The following MYLK4 variants were observed in gnomAD, a reference collection of about 807,000 sequenced individuals.
MYLK4 encodes the protein myosin light chain kinase family member 4.
MYLK4 carries 46 observed loss-of-function variants against 48.1 expected under a neutral mutation model. That is an observed-to-expected ratio of 0.96 (90% confidence interval 0.75 to 1.22). MYLK4 has a LOEUF of 1.22. Among genes scored for constraint, MYLK4 ranks in the 50% most tolerant of loss-of-function variants. The pLI is 0.00. For synonymous variants in MYLK4, 170 were observed against 180.8 expected (o/e 0.94, Z 0.48); for missense variants, 451 against 486.1 (o/e 0.93, Z 0.68).
intron 2 of MYLK4, among the ~76,000 whole-genome samples, chr6:2,744,819 A>C (rs1582127936): frequency 6.6e-6 from 1 of 152,230 alleles, no homozygotes; most frequent in East Asian, 1.9e-4. Context: ...GCCAGGTTTT[A>C]AAAAGGAATT....
rs184834390 is a variant in MYLK4 at position 2,719,456 on chromosome 6, G to A, written c.160-26597C>T. On this transcript the variant is annotated intron_variant, in intron 2 of 12. Coordinates refer to ENST00000274643, the MANE Select transcript of MYLK4 (RefSeq NM_001012418.5). ...GCCACCCTTCCACAGGTAAAATTAC[G>A]AGTTTGAAAGCAACTAAATACAGTA... 1.8e-3 allele frequency among the ~76,000 whole-genome samples: 277 copies of A among 152,276 alleles called. 1 individual carries two copies. The highest frequency in any genetic ancestry group is 6.3e-3 in the African/African-American group (261 of 41,542).
chr6:2,763,530 G>A, the MYLK4 span, among the ~76,000 whole-genome samples: 3 of 152,210 alleles, frequency 2.0e-5, no homozygotes, highest in South Asian at 6.2e-4. Flanking sequence ...GCTCCTCACC[G>A]TCCTGGGCCG....
chr6:2,670,885 A>G (rs1382610335), intron 12 of MYLK4, among the ~76,000 whole-genome samples: 2 of 152,032 alleles, frequency 1.3e-5, no homozygotes, highest in African/African-American at 4.8e-5. Flanking sequence ...CAATTTCCCT[A>G]TCTGTACAGA....
At chr6:2,671,401 C>T (rs1760891526) in intron 11 of MYLK4, 53 bp from the exon 12 acceptor site, 2 of 1,527,484 alleles carry the variant, frequency 1.3e-6, no homozygotes, top group Admixed American at 1.7e-5. Context: ...CCTTCAGGTC[C>T]TGACTTATGA....
Position 2,666,797 on chromosome 6 carries a change from A to G in MYLK4, c.*1128T>C, listed in dbSNP as rs6904200. ...ACATATCTGCCATGAAATGGCACAC[A>G]GGCTAGGCATAGGAACCTTCCAACT... On this transcript the variant is annotated 3_prime_UTR_variant, in exon 13 of 13. Coordinates refer to ENST00000274643, the MANE Select transcript of MYLK4 (RefSeq NM_001012418.5). The G allele has an allele frequency of 0.53, 80,949 of 152,088 alleles. 22,031 individuals are homozygous for G. Among genetic ancestry groups the G allele is most frequent in the East Asian group, 0.64 (3,309 of 5,176 alleles). 9.4% of individuals were successfully genotyped at this position (152,088 alleles called of 1,614,324 possible).
At chr6:2,744,158 T>C (rs1763991467) in intron 2 of MYLK4, 1 of 396,940 alleles carries the variant, frequency 2.5e-6, no homozygotes, top group African/African-American at 2.1e-5. Context: ...TGTCACCGAA[T>C]TACAGAGGGT....
intron 2 of MYLK4, among the ~76,000 whole-genome samples, chr6:2,697,681 T>C (rs1285375843): frequency 1.3e-5 from 2 of 152,200 alleles, no homozygotes; most frequent in South Asian, 2.1e-4. Context: ...AAAAAATCAA[T>C]GGTAAAACGG....
chr6:2,733,747 A>G (rs2113333960), intron 2 of MYLK4, among the ~76,000 whole-genome samples: 1 of 152,328 alleles, frequency 6.6e-6, no homozygotes, highest in Middle Eastern at 3.4e-3. Context: ...GTGAGAGGAT[A>G]GCAATCAAGT....
chr6:2,765,790 C>T, the MYLK4 span: 3 of 1,416,702 alleles, frequency 2.1e-6, no homozygotes, highest in African/African-American at 1.5e-5. Flanking sequence ...GGTCGCACCG[C>T]GCCGGGGAGC....
chr6:2,687,646 C>A (rs2113149261), intron 4 of MYLK4, among the ~76,000 whole-genome samples: 1 of 152,290 alleles, frequency 6.6e-6, no homozygotes. Context: ...TCAGCCCATC[C>A]CCGCAGTCTC....
At position 2,743,796 on chromosome 6, in the gene MYLK4, C is replaced by T. The variant is rs548603026; in HGVS notation, c.159+5340G>A. On this transcript the variant is annotated intron_variant, in intron 2 of 12. Coordinates refer to ENST00000274643, the MANE Select transcript of MYLK4 (RefSeq NM_001012418.5). ...AAGACCAGGGCCCTGGGCAAAGATT[C>T]AGCCAGGGCATGCATTCCATTTACT... 5.3e-5 allele frequency: 21 copies of T among 396,476 alleles called. No individual in the cohort carries two copies. The South Asian group carries it at 2.8e-3, about 53-fold the overall frequency. 24.6% of individuals were successfully genotyped at this position (396,476 alleles called of 1,614,324 possible). A position where few individuals can be genotyped will look rare whatever the true frequency, so the allele number is the denominator to read the frequency against.
the MYLK4 span, among the ~76,000 whole-genome samples, chr6:2,763,776 G>A: frequency 1.3e-5 from 2 of 152,224 alleles, no homozygotes; most frequent in African/African-American, 4.8e-5. Context: ...CAAGGCAGAG[G>A]AGGCGCTGAG....
intron 2 of MYLK4, among the ~76,000 whole-genome samples, chr6:2,733,519 G>T (rs112616769): frequency 1.1e-3 from 161 of 152,324 alleles, no homozygotes; most frequent in African/African-American, 3.8e-3. Flanking sequence ...TGCGTCATCA[G>T]CCTCACTCAC....
chr6:2,683,782 A>T (rs1179193952), intron 6 of MYLK4, among the ~76,000 whole-genome samples: 1 of 152,060 alleles, frequency 6.6e-6, no homozygotes, highest in Non-Finnish European at 1.5e-5. Context: ...TGTTCTAAAG[A>T]TGTTGAAGAG....
At chr6:2,684,954 C>T (rs1761469862) in intron 6 of MYLK4, among the ~76,000 whole-genome samples, 1 of 151,984 alleles carries the variant, frequency 6.6e-6, no homozygotes, top group Non-Finnish European at 1.5e-5. Context: ...GTTGACATGA[C>T]CTTTGTATTA....
intron 2 of MYLK4, among the ~76,000 whole-genome samples, chr6:2,714,466 C>T (rs531580061): frequency 6.6e-6 from 1 of 152,354 alleles, no homozygotes; most frequent in Admixed American, 6.5e-5. Context: ...CCCTGCTCTG[C>T]AAAGAGCAGT....
At chr6:2,762,687 A>G in the MYLK4 span, among the ~76,000 whole-genome samples, 1 of 152,230 alleles carries the variant, frequency 6.6e-6, no homozygotes, top group Non-Finnish European at 1.5e-5. Context: ...AACTTGATGA[A>G]TAAACGCATA....
the MYLK4 span, among the ~76,000 whole-genome samples, chr6:2,764,619 T>A: frequency 2.0e-5 from 3 of 152,246 alleles, no homozygotes; most frequent in African/African-American, 7.2e-5. Flanking sequence ...CTTGTTTTAA[T>A]CTGATATTCT....
chr6:2,766,314 T>G, the MYLK4 span: 2 of 1,610,180 alleles, frequency 1.2e-6, no homozygotes, highest in Non-Finnish European at 1.7e-6. Flanking sequence ...GCCGACACGA[T>G]GCGTCCTGAC....
Sources: gnomAD v4.1 joint callset for allele counts (sites outside exome capture counted in the v4.1 genomes callset) on GRCh38, gnomAD v4.1.1 for gene constraint, MANE v1.5 for transcripts, NCBI Gene and HGNC (gene_info 2026-07-23, HGNC 2026-07-21) for gene names.